PRDM5: variants seen among roughly 807,000 people sequenced by gnomAD.
PRDM5 encodes the protein PR domain zinc finger protein 5.
PRDM5 carries 56 observed loss-of-function variants against 81.2 expected under a neutral mutation model. That is an observed-to-expected ratio of 0.69 (90% CI 0.56 to 0.86). PRDM5 has a LOEUF of 0.86. PRDM5 is among the 40% of genes least tolerant of loss of function. The pLI is 0.00. For missense variants in PRDM5, 697 were observed against 770.1 expected, an observed-to-expected ratio of 0.91 and a Z score of 1.12; for synonymous variants, 267 against 256.4, an observed-to-expected ratio of 1.04 and a Z score of -0.39.
rs1275093218 is a variant in PRDM5, at chr4:120,710,354, A to G, written c.1683T>C (p.Asp561=). Residue 561 remains aspartate, a synonymous_variant, in exon 15 of 16, where the codon GAT becomes GAC. Coordinates refer to ENST00000264808, the MANE Select transcript of PRDM5 (RefSeq NM_018699.4). Reference sequence around the variant, plus strand: ...CTCCAGTGTGCGTCCTCTTGTGCTCATCCAGGCCTCGCTTCTGGCTGAAGG... The same window carrying G: ...CTCCAGTGTGCGTCCTCTTGTGCTCGTCCAGGCCTCGCTTCTGGCTGAAGG... ...SKAFSQKRGL[D]EHKRTHTGEK... 1.2e-6 allele frequency: 2 copies of G among 1,614,104 alleles called. No individual in the cohort carries two copies. The highest frequency in any genetic ancestry group is 2.2e-5 in the South Asian group (2 of 91,078).
chr4:120,912,735 G>A (rs1766659107), intron 1 of PRDM5, among the ~76,000 whole-genome samples: 2 of 152,116 alleles, frequency 1.3e-5, no homozygotes, highest in South Asian at 4.1e-4. Flanking sequence ...GTATTGAGGG[G>A]TGAATTGTCA....
chr4:120,798,320 T>C lies in PRDM5; in HGVS notation c.1135A>G (p.Lys379Glu). ...TGGGCAAATCCCTTTCCACAAAGTTTGCATTTGTAAGGTTTGTCTTCGCTG... is the reference window on the plus strand; with the variant it reads ...TGGGCAAATCCCTTTCCACAAAGTTCGCATTTGTAAGGTTTGTCTTCGCTG... ...IHSEDKPYKCKLCGKGFAHRN... is the reference protein window; with the variant it reads ...IHSEDKPYKCELCGKGFAHRN... The change falls in exon 10 of 16, where the codon AAA becomes GAA. Residue 379 changes from lysine to glutamate, a missense_variant. Transcript: ENST00000264808. 1 of 1,612,032 alleles carries C rather than the reference T, an allele frequency of 6.2e-7. No individual in the cohort carries two copies. Among genetic ancestry groups the C allele is most frequent in the African/African-American group, 1.3e-5 (1 of 75,028 alleles).
At chr4:120,899,996 A>C (rs1289743720) in intron 2 of PRDM5, among the ~76,000 whole-genome samples, 2 of 152,334 alleles carry the variant, frequency 1.3e-5, no homozygotes, top group African/African-American at 4.8e-5. Flanking sequence ...AGAGATGCAT[A>C]GATACAGAAA....
intron 14 of PRDM5, among the ~76,000 whole-genome samples, chr4:120,725,418 C>G (rs1187372089): frequency 6.6e-6 from 1 of 152,096 alleles, no homozygotes; most frequent in African/African-American, 2.4e-5. Flanking sequence ...ACCACTCCTA[C>G]CTCCAAAATA....
chr4:120,739,493 CTG>C (rs1741596265), intron 14 of PRDM5, among the ~76,000 whole-genome samples: 1 of 152,204 alleles, frequency 6.6e-6, no homozygotes, highest in African/African-American at 2.4e-5. Flanking sequence ...ATTTAAAAAA[CTG>C]TAGAAAAATC....
chr4:120,846,679 G>C (rs1174423051), intron 3 of PRDM5, among the ~76,000 whole-genome samples: 1 of 152,006 alleles, frequency 6.6e-6, no homozygotes, highest in Non-Finnish European at 1.5e-5. Flanking sequence ...GGTGTGTAGA[G>C]GCTAAGTGTT....
intron 15 of PRDM5, among the ~76,000 whole-genome samples, chr4:120,702,125 A>C (rs1735477382): frequency 6.6e-6 from 1 of 152,246 alleles, no homozygotes; most frequent in African/African-American, 2.4e-5. Flanking sequence ...ACAAGCCAAA[A>C]GTAACCCACT....
In PRDM5 at chr4:120,732,929, T is replaced by A. The variant is rs184120617; in HGVS notation, c.1623+21624A>T. Among the ~76,000 whole-genome samples the A allele has an allele frequency of 2.0e-3, 302 of 152,354 alleles. 1 individual carries two copies. The highest frequency in any genetic ancestry group is 6.8e-3 in the Middle Eastern group (2 of 294). ...CTGTGACTCTAGACTGCACTCAAAA[T>A]AGGTCACAAATAATGAAGACATTTT... is the stretch of plus-strand genomic sequence containing the variant. On this transcript the variant is annotated intron_variant, in intron 14 of 15. Coordinates refer to ENST00000264808, the MANE Select transcript of PRDM5 (RefSeq NM_018699.4).
intron 15 of PRDM5, among the ~76,000 whole-genome samples, chr4:120,709,475 A>G (rs953870941): frequency 6.6e-6 from 1 of 152,180 alleles, no homozygotes. Flanking sequence ...ATGGAAGGAC[A>G]AGGAAAACAT....
At chr4:120,723,844 A>G (rs1333392438) in intron 14 of PRDM5, among the ~76,000 whole-genome samples, 1 of 151,364 alleles carries the variant, frequency 6.6e-6, no homozygotes. Context: ...TTCTCTTGTC[A>G]TGTATCATCC....
At chr4:120,721,985 G>A (rs902829242) in intron 14 of PRDM5, among the ~76,000 whole-genome samples, 1 of 152,200 alleles carries the variant, frequency 6.6e-6, no homozygotes, top group South Asian at 2.1e-4. Context: ...TCTTTGCAGA[G>A]GGACAGAGGG....
chr4:120,868,294 T>C (rs1251934934), intron 2 of PRDM5, among the ~76,000 whole-genome samples: 1 of 152,208 alleles, frequency 6.6e-6, no homozygotes, highest in Non-Finnish European at 1.5e-5. Context: ...TATAACATTT[T>C]CTGCAGGGTT....
chr4:120,758,096 A>G (rs1010833545), intron 13 of PRDM5, among the ~76,000 whole-genome samples: 2 of 152,122 alleles, frequency 1.3e-5, no homozygotes, highest in African/African-American at 4.8e-5. Context: ...GGTTTGCAGA[A>G]CTTCAAACTC....
rs768049637 is a variant in PRDM5 at position 120,754,633 on chromosome 4, G to A, written c.1543C>T (p.Arg515Cys). The A allele has an allele frequency of 2.5e-6, 4 of 1,591,182 alleles. No homozygotes were observed. Among genetic ancestry groups the A allele is most frequent in the Non-Finnish European group, 3.4e-6 (4 of 1,159,948 alleles). The change falls in exon 14 of 16, where the codon CGT becomes TGT. Residue 515 changes from arginine (R) to cysteine (C), a missense_variant. Physicochemically the swap from Arg to Cys is radical, Grantham distance 180. Transcript: ENST00000264808. The stretch of plus-strand genomic sequence containing the variant: ...TCACAGTAAGGACATTGATAGGGAC[G>A]CTCACCTACAAATAAAGGAAGCCTC... ...RVHIRSHTGE[R>C]PYQCPYCEKG...
At chr4:120,895,333 AAAGT>A (rs1466594758) in intron 2 of PRDM5, among the ~76,000 whole-genome samples, 1 of 152,204 alleles carries the variant, frequency 6.6e-6, no homozygotes, top group Admixed American at 6.5e-5. Flanking sequence ...AGTCTCCCAC[AAAGT>A]AAGTGAAGAA....
chr4:120,873,024 CAG>C lies in PRDM5; in HGVS notation c.178-19486_178-19485del, dbSNP rs1761994334. On this transcript the variant is annotated intron_variant, in intron 2 of 15. Coordinates refer to ENST00000264808, the MANE Select transcript of PRDM5 (RefSeq NM_018699.4). Reference sequence around the variant, plus strand: ...TATTTTTTATTTTATTTTTTTGAGACAGAGTCTTACTCCATCACCCAAACTGG... The same window carrying C: ...TATTTTTTATTTTATTTTTTTGAGACAGTCTTACTCCATCACCCAAACTGG... 2.0e-5 allele frequency among the ~76,000 whole-genome samples: 3 copies of C among 151,770 alleles called. No homozygotes were observed. In the South Asian group the frequency reaches 6.2e-4, roughly 32 times the overall value.
At chr4:120,865,556 A>T (rs749345764) in intron 2 of PRDM5, among the ~76,000 whole-genome samples, 3 of 151,932 alleles carry the variant, frequency 2.0e-5, no homozygotes, top group Non-Finnish European at 4.4e-5. Context: ...TACTCATCAA[A>T]CTCTTTCTTC....
At chr4:120,838,881 G>C in intron 3 of PRDM5, 1 of 269,236 alleles carries the variant, frequency 3.7e-6, no homozygotes, top group East Asian at 6.7e-5. Flanking sequence ...GAGACTGCAT[G>C]GAGCGGCAAG....
intron 15 of PRDM5, 45 bp downstream of exon 15, chr4:120,710,264 T>G: frequency 5.4e-6 from 8 of 1,481,408 alleles, no homozygotes; most frequent in Non-Finnish European, 7.5e-6. Context: ...CACCCCTACT[T>G]TCTGTTATTG....
Sources: allele counts gnomAD v4.1 joint callset (sites outside exome capture counted in the v4.1 genomes callset), GRCh38; gene constraint gnomAD v4.1.1; transcripts MANE v1.5; gene names NCBI Gene and HGNC (gene_info 2026-07-23, HGNC 2026-07-21).